The following PABPC1L variants were observed in gnomAD, a reference collection of about 807,000 sequenced individuals.
PABPC1L encodes polyadenylate-binding protein 1-like.
PABPC1L carries 31 observed loss-of-function variants against 66.6 expected under a neutral mutation model. That is an observed-to-expected ratio of 0.47 (90% CI 0.35 to 0.63). PABPC1L has a LOEUF of 0.63. Ranked by LOEUF, PABPC1L falls within the 20% of genes least tolerant of loss-of-function variation. PABPC1L has a pLI of 0.00. For missense variants in PABPC1L, 722 were observed against 848.8 expected (o/e 0.85, Z 1.86); for synonymous variants, 348 against 335.1 (o/e 1.04, Z -0.42).
intron 11 of PABPC1L, among the ~76,000 whole-genome samples, chr20:44,936,091 G>A (rs919453238): frequency 2.0e-5 from 3 of 151,888 alleles, no homozygotes; most frequent in Admixed American, 2.0e-4. Context: ...TCCCACCTCA[G>A]CCTCCAAGTA....
intron 8 of PABPC1L, among the ~76,000 whole-genome samples, chr20:44,931,069 C>CTTTCCT (rs1316140186): frequency 1.7e-5 from 1 of 59,920 alleles, no homozygotes; most frequent in African/African-American, 5.1e-5. Context: ...CCTTCCCTCC[C>CTTTCCT]TCCCTCCCTC....
chr20:44,931,023 C>CTCCCTTCCCTCCCTTCCCT (rs2066850864), intron 8 of PABPC1L, among the ~76,000 whole-genome samples: 1 of 59,636 alleles, frequency 1.7e-5, no homozygotes, highest in African/African-American at 6.8e-5. Context: ...CTTCCCTTCC[C>CTCCCTTCCCTCCCTTCCCT]TCCCTTCCCT....
chr20:44,915,704 CA>C (rs1037701874), intron 2 of PABPC1L, among the ~76,000 whole-genome samples: 1 of 150,634 alleles, frequency 6.6e-6, no homozygotes, highest in African/African-American at 2.4e-5. Context: ...GAGTCTGAGG[CA>C]GGAGAATCGC....
intron 13 of PABPC1L, 96 bp from the exon 14 acceptor site, chr20:44,938,578 C>T (rs903543343): frequency 2.1e-6 from 3 of 1,402,038 alleles, no homozygotes; most frequent in African/African-American, 1.4e-5. Context: ...GGAGGAGGAT[C>T]CTGTATCCAG....
In PABPC1L at chr20:44,930,684, C is replaced by A; in HGVS notation, c.1197C>A (p.Ser399=). 1 of 1,614,114 alleles carries A rather than the reference C, an allele frequency of 6.2e-7. No homozygotes were observed. Among genetic ancestry groups the A allele is most frequent in the Non-Finnish European group, 8.5e-7 (1 of 1,180,016 alleles). ...CCCTGAGCAACCCCCTCCTGGGCTCCTTTCAGCAGCCCTCCAGCTACTTCC... is the reference window on the plus strand; with the variant it reads ...CCCTGAGCAACCCCCTCCTGGGCTCATTTCAGCAGCCCTCCAGCTACTTCC... ...MRTLSNPLLG[S]FQQPSSYFLP... is the part of the protein sequence containing the mutation. The change falls in exon 8 of 15, where the codon TCC becomes TCA. Residue 399 remains serine, a synonymous_variant. Coordinates refer to ENST00000217073, the MANE Select transcript of PABPC1L (RefSeq NM_001372179.1).
intron 2 of PABPC1L, among the ~76,000 whole-genome samples, chr20:44,914,880 A>G (rs1224952440): frequency 6.6e-6 from 1 of 152,202 alleles, no homozygotes; most frequent in Non-Finnish European, 1.5e-5. Flanking sequence ...CTGTTGGCTG[A>G]CCTTGGACAA....
intron 2 of PABPC1L, among the ~76,000 whole-genome samples, chr20:44,913,955 A>G (rs939380737): frequency 1.3e-5 from 2 of 152,238 alleles, no homozygotes; most frequent in African/African-American, 2.4e-5. Flanking sequence ...TAGGTGCTCA[A>G]TAAATATATG....
intron 6 of PABPC1L, among the ~76,000 whole-genome samples, chr20:44,923,899 A>G (rs2066791131): frequency 6.6e-6 from 1 of 152,060 alleles, no homozygotes; most frequent in Non-Finnish European, 1.5e-5. Context: ...CCATCTGTGA[A>G]ATGGGGAATA....
At chr20:44,921,790 G>C in intron 6 of PABPC1L, 59 bp downstream of exon 6, 1 of 1,596,612 alleles carries the variant, frequency 6.3e-7, no homozygotes. Context: ...TGTGTCGGGG[G>C]CCCTGAGTGG....
chr20:44,929,242 A>G (rs950779814), intron 7 of PABPC1L, among the ~76,000 whole-genome samples: 1 of 152,134 alleles, frequency 6.6e-6, no homozygotes, highest in Non-Finnish European at 1.5e-5. Flanking sequence ...AGCCTGGATG[A>G]CAGAGTGAGA....
chr20:44,920,845 G>C (rs2056914), intron 5 of PABPC1L, among the ~76,000 whole-genome samples: 100,808 of 151,680 alleles, frequency 0.66, 33,804 homozygotes, highest in African/African-American at 0.75. Flanking sequence ...GATGGAGTCT[G>C]TCTGTCGTCC....
At chr20:44,924,120 G>A in intron 6 of PABPC1L, 41 bp from the exon 7 acceptor site, 3 of 1,522,024 alleles carry the variant, frequency 2.0e-6, no homozygotes, top group South Asian at 2.2e-5. Flanking sequence ...GTTGGGGCTT[G>A]GAGGAGAAGG....
At chr20:44,925,009 C>T (rs987402644) in intron 7 of PABPC1L, among the ~76,000 whole-genome samples, 3 of 150,574 alleles carry the variant, frequency 2.0e-5, no homozygotes, top group African/African-American at 5.0e-5. Flanking sequence ...GTCAGGAGAT[C>T]GAGACCATCC....
chr20:44,927,657 A>C (rs978837149), intron 7 of PABPC1L, among the ~76,000 whole-genome samples: 1 of 152,024 alleles, frequency 6.6e-6, no homozygotes, highest in Admixed American at 6.6e-5. Flanking sequence ...CCCTTTGGCT[A>C]TCTGATGAAG....
At chr20:44,928,216 A>AC (rs2066824070) in intron 7 of PABPC1L, among the ~76,000 whole-genome samples, 2 of 151,846 alleles carry the variant, frequency 1.3e-5, no homozygotes, top group African/African-American at 4.8e-5. Context: ...GATTACAGGC[A>AC]CCCGCCACCA....
At position 44,916,732 on chromosome 20, in the gene PABPC1L, C is replaced by T. The variant is rs369113058; in HGVS notation, c.388-24C>T. 8 of 1,610,576 alleles carry T rather than the reference C, an allele frequency of 5.0e-6. No individual in the cohort carries two copies. In the African/African-American group the frequency reaches 8.0e-5, roughly 16 times the overall value. On this transcript the variant is annotated intron_variant, in intron 2 of 14. Transcript: ENST00000217073. ...CCTGAACCCTCTGTCAGTACTCTTC[C>T]TGTCCTTCCTCCCTGTGGCCCAGGT...
intron 12 of PABPC1L, 67 bp downstream of exon 12, chr20:44,936,797 A>C: frequency 1.4e-6 from 2 of 1,477,170 alleles, no homozygotes; most frequent in Non-Finnish European, 1.9e-6. Context: ...GCCTGCTGGG[A>C]AACACCTCAC....
Position 44,938,142 on chromosome 20 carries a change from A to G in PABPC1L, c.1742A>G (p.Asn581Ser). 2.5e-6 allele frequency: 4 copies of G among 1,614,114 alleles called. No homozygotes were observed. The highest frequency in any genetic ancestry group is 2.2e-5 in the East Asian group (1 of 44,868). The change falls in exon 13 of 15, where the codon AAC becomes AGC. Residue 581 changes from asparagine to serine, a missense_variant. Asn to Ser is a conservative substitution (Grantham distance 46). Transcript: ENST00000217073. The stretch of plus-strand genomic sequence containing the variant: ...ACGGGCATGCTGCTGGAGATTGACA[A>G]CTCAGAGCTGTTGCTCATGCTGGAG... ...KITGMLLEID[N>S]SELLLMLESP...
rs1339457087 is a variant in PABPC1L, at chr20:44,939,162, CAG to C, written c.*44_*45del. On this transcript the variant is annotated 3_prime_UTR_variant, in exon 15 of 15. Transcript: ENST00000217073. The stretch of plus-strand genomic sequence containing the variant: ...CTCGCTTCCATGGCTGCCAAAAGGA[CAG>C]TGTTTCTGGCTCTCAGCCCTAAGGC... The C allele has an allele frequency of 4.2e-6, 3 of 717,958 alleles. No homozygotes were observed. The highest frequency in any genetic ancestry group is 7.8e-6 in the Non-Finnish European group (3 of 385,234). The allele number at this position is 717,958 out of a possible 1,614,324, so 44.5% of individuals were successfully genotyped here.
Sources: allele counts gnomAD v4.1 joint callset (sites outside exome capture counted in the v4.1 genomes callset), GRCh38; gene constraint gnomAD v4.1.1; transcripts MANE v1.5; gene names NCBI Gene and HGNC (gene_info 2026-07-23, HGNC 2026-07-21).